The following TRMT11 variants were observed in gnomAD, a reference collection of about 807,000 sequenced individuals.
TRMT11 encodes tRNA methyltransferase 11, also known as tRNA (guanine(10)-N(2))-methyltransferase TRMT11.
In TRMT11, 53 loss-of-function variants were observed where a neutral mutation model predicts 62.8. The observed-to-expected ratio is 0.84, with a 90% CI of 0.68 to 1.06. The LOEUF (loss-of-function observed/expected upper bound fraction) is 1.06. Among genes scored for constraint, TRMT11 ranks in the 50% least tolerant of loss-of-function variants. The pLI is 0.00. For missense variants in TRMT11, 556 were observed against 553.4 expected (o/e 1.00, Z -0.05); for synonymous variants, 188 against 190.3 (o/e 0.99, Z 0.10).
chr6:126,125,944 C>G (rs1046357130), intron 21 of TRMT11, among the ~76,000 whole-genome samples: 1 of 152,080 alleles, frequency 6.6e-6, no homozygotes, highest in African/African-American at 2.4e-5. Context: ...TCTGATTTCT[C>G]GCTTCTTTCA....
the TRMT11 span, among the ~76,000 whole-genome samples, chr6:126,216,884 C>A: frequency 6.6e-6 from 1 of 152,064 alleles, no homozygotes. Flanking sequence ...TTAGATTTCT[C>A]CTTTTGAGAC....
At chr6:126,258,114 T>G in the TRMT11 span, 1 of 921,728 alleles carries the variant, frequency 1.1e-6, no homozygotes, top group South Asian at 1.3e-5. Context: ...TTCCTGGCAG[T>G]CGGGGAGTTG....
At chr6:126,008,723 T>C in intron 8 of TRMT11, 2 of 654,306 alleles carry the variant, frequency 3.1e-6, no homozygotes, top group South Asian at 3.0e-5. Flanking sequence ...TCATGAATAG[T>C]AAATCTATTT....
downstream of TRMT11, among the ~76,000 whole-genome samples, chr6:126,042,183 C>T (rs897859348): frequency 2.0e-5 from 3 of 152,136 alleles, no homozygotes; most frequent in African/African-American, 7.2e-5. Flanking sequence ...GTGATTCTAT[C>T]TGGTCATAGA....
intron 21 of TRMT11, among the ~76,000 whole-genome samples, chr6:126,144,082 G>A (rs1777948316): frequency 6.6e-6 from 1 of 152,160 alleles, no homozygotes; most frequent in Non-Finnish European, 1.5e-5. Flanking sequence ...CTGCTTTTGA[G>A]TCTTCAATCC....
intron 17 of TRMT11, among the ~76,000 whole-genome samples, chr6:126,087,824 C>T (rs1777231799): frequency 6.6e-6 from 1 of 152,228 alleles, no homozygotes; most frequent in South Asian, 2.1e-4. Context: ...CTCTCTGTTT[C>T]TGCAAATCCT....
intron 17 of TRMT11, among the ~76,000 whole-genome samples, chr6:126,080,075 C>G (rs1373956180): frequency 6.6e-6 from 1 of 151,130 alleles, no homozygotes; most frequent in Non-Finnish European, 1.5e-5. Flanking sequence ...AAAAGAAAAC[C>G]AACTCTAGTT....
At chr6:126,007,671 A>G (rs1793561197) in intron 7 of TRMT11, among the ~76,000 whole-genome samples, 1 of 152,020 alleles carries the variant, frequency 6.6e-6, no homozygotes, top group Non-Finnish European at 1.5e-5. Flanking sequence ...ATTTCTCTTC[A>G]TGCATGAGCT....
chr6:126,154,066 G>T (rs1275740405), intron 21 of TRMT11, among the ~76,000 whole-genome samples: 2 of 152,144 alleles, frequency 1.3e-5, no homozygotes, highest in Admixed American at 1.3e-4. Context: ...AAGACTGTAT[G>T]CCACTCATTG....
rs572787660 is a variant in TRMT11 at position 126,100,557 on chromosome 6, A to G, written c.*1438-12309A>G. Among the ~76,000 whole-genome samples, 4 of 152,310 alleles carry G rather than the reference A, an allele frequency of 2.6e-5. No individual in the cohort carries two copies. In the East Asian group the frequency reaches 7.7e-4, roughly 29 times the overall value. On this transcript the variant is annotated intron_variant and NMD_transcript_variant, in intron 17 of 22. Transcript: ENST00000648977. The stretch of plus-strand genomic sequence containing the variant: ...TGTGCTGTATGGATTTGCTACAAGG[A>G]ATGTGCTGTCACATACCCTGAGGAC...
At chr6:126,209,642 C>A in the TRMT11 span, among the ~76,000 whole-genome samples, 1 of 151,850 alleles carries the variant, frequency 6.6e-6, no homozygotes, top group South Asian at 2.1e-4. Flanking sequence ...AGGAGAATGG[C>A]GTGAACTTGG....
In TRMT11 at chr6:126,106,841, A is replaced by T. The variant is rs369979984; in HGVS notation, c.*1438-6025A>T. 2.6e-5 allele frequency among the ~76,000 whole-genome samples: 4 copies of T among 152,050 alleles called. No individual in the cohort carries two copies. The South Asian group carries it at 8.3e-4, about 32-fold the overall frequency. ...ATTATTATTAGGAGTATTGGTGTATACATCAGTAATTGCCACAGTTTTTAC... is the reference window on the plus strand; with the variant it reads ...ATTATTATTAGGAGTATTGGTGTATTCATCAGTAATTGCCACAGTTTTTAC... On this transcript the variant is annotated intron_variant and NMD_transcript_variant, in intron 17 of 22. Coordinates refer to the TRMT11 transcript ENST00000648977.
chr6:126,251,470 G>T, the TRMT11 span, among the ~76,000 whole-genome samples: 1 of 152,054 alleles, frequency 6.6e-6, no homozygotes, highest in Non-Finnish European at 1.5e-5. Flanking sequence ...TCATTTTTGT[G>T]TGAAAAGTGT....
chr6:126,254,876 A>T, the TRMT11 span, among the ~76,000 whole-genome samples: 2 of 151,254 alleles, frequency 1.3e-5, no homozygotes, highest in African/African-American at 4.9e-5. Flanking sequence ...CAAAAAACAT[A>T]AAAAAAAACA....
chr6:126,157,819 AT>A (rs1778138300), intron 21 of TRMT11, among the ~76,000 whole-genome samples: 1 of 152,156 alleles, frequency 6.6e-6, no homozygotes, highest in South Asian at 2.1e-4. Context: ...TTATTCAGCT[AT>A]TTTTTCTCTC....
the TRMT11 span, among the ~76,000 whole-genome samples, chr6:126,250,345 G>A: frequency 1.3e-5 from 2 of 152,100 alleles, no homozygotes; most frequent in Non-Finnish European, 2.9e-5. Flanking sequence ...ATGAATATAA[G>A]CTAATTTAAA....
intron 7 of TRMT11, among the ~76,000 whole-genome samples, chr6:126,001,597 T>C (rs947315025): frequency 1.3e-5 from 2 of 152,134 alleles, no homozygotes; most frequent in African/African-American, 4.8e-5. Flanking sequence ...GTACAATTAC[T>C]GGTGGTTTTA....
intron 12 of TRMT11, among the ~76,000 whole-genome samples, chr6:126,026,388 T>G (rs11961396): frequency 3.5e-5 from 5 of 141,182 alleles, no homozygotes; most frequent in African/African-American, 1.6e-4. Flanking sequence ...TTTATGTTTT[T>G]TTTTAATTTT....
intron 1 of TRMT11, among the ~76,000 whole-genome samples, chr6:125,990,838 T>G (rs1331918708): frequency 3.3e-5 from 5 of 152,228 alleles, no homozygotes; most frequent in African/African-American, 7.2e-5. Context: ...TTTTTACACT[T>G]TACATTTCAG....
Sources: allele counts gnomAD v4.1 joint callset (sites outside exome capture counted in the v4.1 genomes callset), GRCh38; gene constraint gnomAD v4.1.1; transcripts MANE v1.5; gene names NCBI Gene and HGNC (gene_info 2026-07-23, HGNC 2026-07-21).